The following FBRSL1 variants were observed in gnomAD, a reference collection of about 807,000 sequenced individuals.
FBRSL1 encodes the protein fibrosin-1-like protein.
FBRSL1 carries 51 observed loss-of-function variants against 89.6 expected under a neutral mutation model. The observed-to-expected ratio is 0.57, with a 90% confidence interval of 0.45 to 0.72. FBRSL1 has a LOEUF of 0.72. Ranked by LOEUF, FBRSL1 falls within the 30% of genes least tolerant of loss-of-function variation. The probability of loss-of-function intolerance (pLI) is 0.00; values close to 1 mark genes in which losing one functional copy is unlikely to be tolerated. For missense variants in FBRSL1, 1,618 were observed against 1,451.8 expected (o/e 1.11, Z -1.86); for synonymous variants, 779 against 681.1 (o/e 1.14, Z -2.24).
In FBRSL1 at chr12:132,583,496, C is replaced by A. The variant is rs767954682; in HGVS notation, c.2727C>A (p.His909Gln). 8.6e-6 allele frequency: 9 copies of A among 1,045,644 alleles called. No homozygotes were observed. The highest frequency in any genetic ancestry group is 1.0e-5 in the Non-Finnish European group (9 of 868,356). The allele number at this position is 1,045,644 out of a possible 1,614,324, so 64.8% of individuals were successfully genotyped here. Reference protein sequence around the residue: ...RGELERARAPHLPPAAPALDG... With the variant: ...RGELERARAPQLPPAAPALDG... ...AGCTGGAGCGCGCGCGGGCCCCGCA[C>A]CTGCCGCCCGCCGCCCCCGCCTTGG... The change falls in exon 19 of 19, where the codon CAC (histidine) becomes CAA (glutamine). Residue 909 changes from histidine to glutamine, a missense_variant. His to Gln is a conservative substitution (Grantham distance 24, BLOSUM62 0). Transcript: ENST00000680143.
chr12:132,500,054 G>T (rs1241433589), intron 1 of FBRSL1, among the ~76,000 whole-genome samples: 1 of 152,256 alleles, frequency 6.6e-6, no homozygotes, highest in East Asian at 1.9e-4. Flanking sequence ...CCATGTACGT[G>T]CACCCGGGAC....
chr12:132,531,552 T>C lies in FBRSL1; in HGVS notation c.615+3564T>C, dbSNP rs536804395. Among the ~76,000 whole-genome samples, 743 of 150,676 alleles carry C rather than the reference T, an allele frequency of 4.9e-3. 6 individuals carry two copies. The highest frequency in any genetic ancestry group is 0.017 in the African/African-American group (701 of 41,124). On this transcript the variant is annotated intron_variant, in intron 4 of 18. Transcript: ENST00000680143. The stretch of plus-strand genomic sequence containing the variant: ...TCCTCTCTGGGCCTCTGTGTGTGCG[T>C]GTGTGTGTGTGTGTGCACCCGCGTG...
chr12:132,573,854 G>A lies in FBRSL1; in HGVS notation c.1531-236G>A, dbSNP rs562013682. Among the ~76,000 whole-genome samples, 8 of 152,304 alleles carry A rather than the reference G, an allele frequency of 5.3e-5. No individual in the cohort carries two copies. The South Asian group carries it at 8.3e-4, about 16-fold the overall frequency. On this transcript the variant is annotated intron_variant, in intron 11 of 18. Coordinates refer to ENST00000680143, the MANE Select transcript of FBRSL1 (RefSeq NM_001367871.1). ...CGGCCCTGGTGGCAAGTGGCTCCCC[G>A]GGGAGGGTCGCCCACCTTCCCTGGC...
At chr12:132,528,728 C>T (rs1233884369) in intron 4 of FBRSL1, among the ~76,000 whole-genome samples, 4 of 150,494 alleles carry the variant, frequency 2.7e-5, no homozygotes, top group Non-Finnish European at 5.9e-5. Flanking sequence ...CAGTGTGTGC[C>T]GTGCCTCCCT....
chr12:132,518,301 CCATCTGTCCATCCAGCCACCCATG>C (rs1005720921), intron 2 of FBRSL1, among the ~76,000 whole-genome samples: 9 of 150,018 alleles, frequency 6.0e-5, no homozygotes, highest in Non-Finnish European at 8.9e-5. Context: ...CATCATCCAC[CCATCTGTCCATCCAGCCACCCATG>C]CATCTGTCCA....
At chr12:132,577,302 G>A (rs763906360) in intron 15 of FBRSL1, among the ~76,000 whole-genome samples, 4 of 152,154 alleles carry the variant, frequency 2.6e-5, no homozygotes, top group Non-Finnish European at 5.9e-5. Flanking sequence ...CCCTGTTCTG[G>A]CCCCACCAGA....
intron 2 of FBRSL1, chr12:132,509,794 C>T (rs2034121596): frequency 8.1e-7 from 1 of 1,231,358 alleles, no homozygotes; most frequent in African/African-American, 1.6e-5. Context: ...CGCAGCCGGC[C>T]CCTGTGGTCG....
At chr12:132,495,874 G>C (rs11147230) in intron 1 of FBRSL1, among the ~76,000 whole-genome samples, 70,116 of 152,210 alleles carry the variant, frequency 0.46, 16,722 homozygotes, top group South Asian at 0.56. Flanking sequence ...CACCTGGCCT[G>C]CTTTGGCTCT....
chr12:132,581,153 G>A, intron 15 of FBRSL1: 1 of 985,392 alleles, frequency 1.0e-6, no homozygotes, highest in South Asian at 4.7e-5. Context: ...TGCCCAAGTT[G>A]CAGCCCCTTT....
At chr12:132,542,305 C>G (rs1208559136) in intron 4 of FBRSL1, among the ~76,000 whole-genome samples, 1 of 152,248 alleles carries the variant, frequency 6.6e-6, no homozygotes. Flanking sequence ...ACATGCTCAG[C>G]CAGGGTGGGG....
chr12:132,577,248 G>A (rs1044261508), intron 15 of FBRSL1, among the ~76,000 whole-genome samples: 4 of 152,098 alleles, frequency 2.6e-5, no homozygotes, highest in African/African-American at 7.2e-5. Flanking sequence ...CACGCCACAC[G>A]GCTCTGAGGC....
chr12:132,515,594 A>G (rs2034765551), intron 2 of FBRSL1, among the ~76,000 whole-genome samples: 1 of 151,984 alleles, frequency 6.6e-6, no homozygotes, highest in African/African-American at 2.4e-5. Flanking sequence ...AGACAAGAAC[A>G]GAAATACAGA....
chr12:132,512,086 TC>T, intron 2 of FBRSL1: 1 of 858,678 alleles, frequency 1.2e-6, no homozygotes, highest in Middle Eastern at 6.0e-4. Context: ...GAGCATCTGT[TC>T]CTGACCTTCC....
chr12:132,564,408 C>A (rs2137714547), intron 5 of FBRSL1, among the ~76,000 whole-genome samples: 1 of 104,982 alleles, frequency 9.5e-6, no homozygotes, highest in Middle Eastern at 5.6e-3. Flanking sequence ...GGCATGGGGA[C>A]AGCAGGTCTC....
At chr12:132,552,820 G>A (rs940748300) in intron 5 of FBRSL1, 10 of 168,260 alleles carry the variant, frequency 5.9e-5, no homozygotes, top group African/African-American at 1.7e-4. Flanking sequence ...CACTCACCCC[G>A]CAGGACAGAC....
intron 2 of FBRSL1, among the ~76,000 whole-genome samples, chr12:132,516,111 C>T (rs1437536168): frequency 6.6e-6 from 1 of 151,252 alleles, no homozygotes; most frequent in Admixed American, 6.6e-5. Flanking sequence ...TTTATTCCAA[C>T]AAATTCAACA....
chr12:132,583,554 C>T lies in FBRSL1; in HGVS notation c.2785C>T (p.His929Tyr), dbSNP rs1173992289. 21 of 1,041,340 alleles carry T rather than the reference C, an allele frequency of 2.0e-5. No homozygotes were observed. Among genetic ancestry groups the T allele is most frequent in the Non-Finnish European group, 2.3e-5 (20 of 865,190 alleles). 64.5% of individuals were successfully genotyped at this position (1,041,340 alleles called of 1,614,324 possible). A position where few individuals can be genotyped will look rare whatever the true frequency, so the allele number is the denominator to read the frequency against. ...GALLPSLGAL[H>Y]FPRLSPAALH... is the part of the protein sequence containing the mutation. ...GCTGCTGCCCTCGCTGGGAGCCCTG[C>T]ACTTCCCGCGCCTCTCGCCCGCCGC... Residue 929 changes from histidine to tyrosine, a missense_variant, in exon 19 of 19, where the codon CAC becomes TAC. Transcript: ENST00000680143.
chr12:132,577,038 C>G, intron 15 of FBRSL1, 107 bp downstream of exon 15: 2 of 1,406,274 alleles, frequency 1.4e-6, no homozygotes, highest in Non-Finnish European at 1.9e-6. Flanking sequence ...GACCGCAGCA[C>G]CAGCCTTTGC....
rs144878449 is a variant in FBRSL1 at position 132,514,725 on chromosome 12, G to A, written c.489+6375G>A. 4.7e-3 allele frequency among the ~76,000 whole-genome samples: 720 copies of A among 152,254 alleles called. 7 individuals are homozygous for A. Among genetic ancestry groups the A allele is most frequent in the African/African-American group, 0.017 (690 of 41,548 alleles). ...GTACCCTGGGACCTGGCAGAGTGCA[G>A]CTTCTCATCCAGCAGGGGTGGGTAG... is the stretch of plus-strand genomic sequence containing the variant. On this transcript the variant is annotated intron_variant, in intron 2 of 18. Coordinates refer to ENST00000680143, the MANE Select transcript of FBRSL1 (RefSeq NM_001367871.1).
Sources: gnomAD v4.1 joint callset for allele counts (sites outside exome capture counted in the v4.1 genomes callset) on GRCh38, gnomAD v4.1.1 for gene constraint, MANE v1.5 for transcripts, NCBI Gene and HGNC (gene_info 2026-07-23, HGNC 2026-07-21) for gene names.